HEATR3: variants seen among roughly 807,000 people sequenced by gnomAD.
HEATR3 encodes the protein HEAT repeat-containing protein 3.
Under a neutral mutation model 72.8 loss-of-function variants are expected in HEATR3, and 56 were observed. The observed-to-expected ratio is 0.77, with a 90% CI of 0.62 to 0.96. HEATR3 has a LOEUF of 0.96. Ranked by LOEUF, HEATR3 falls within the 40% of genes least tolerant of loss-of-function variation. The pLI is 0.00. For synonymous variants in HEATR3, 331 were observed against 318.1 expected (o/e 1.04, Z -0.43); for missense variants, 747 against 831.4 (o/e 0.90, Z 1.25).
intron 12 of HEATR3, among the ~76,000 whole-genome samples, chr16:50,096,018 T>C (rs1338345803): frequency 1.3e-5 from 2 of 152,090 alleles, no homozygotes; most frequent in Non-Finnish European, 2.9e-5. Flanking sequence ...TTTTCCCAGA[T>C]TGCCTTAAAA....
chr16:50,090,769 GA>G (rs2037091923), intron 11 of HEATR3, among the ~76,000 whole-genome samples: 2 of 152,182 alleles, frequency 1.3e-5, no homozygotes, highest in Admixed American at 1.3e-4. Context: ...TTGAGAATCA[GA>G]ACGTTCTTTT....
At position 50,075,592 on chromosome 16, in the gene HEATR3, CTG is replaced by C; in HGVS notation, c.645_646del (p.Glu216GlyfsTer2). 6.2e-7 allele frequency: 1 copy of C among 1,613,204 alleles called. No homozygotes were observed. ...GTAGCATATTGTTTGCAGACAGTGA[CTG>C]AGGATAACCCAGAGCTGCTGAAGTC... On this transcript the variant is annotated frameshift_variant, in exon 6 of 15. Coordinates refer to ENST00000299192, the MANE Select transcript of HEATR3 (RefSeq NM_182922.4). LOFTEE classifies it high-confidence loss of function.
chr16:50,094,432 G>A (rs1187685411), intron 11 of HEATR3, among the ~76,000 whole-genome samples: 2 of 152,180 alleles, frequency 1.3e-5, no homozygotes, highest in Non-Finnish European at 2.9e-5. Flanking sequence ...TGAGTCAAAT[G>A]AAAACCCAGT....
At position 50,066,592 on chromosome 16, in the gene HEATR3, G is replaced by C. The variant is rs1242825227; in HGVS notation, c.311+53G>C. The C allele has an allele frequency of 3.2e-6, 4 of 1,254,784 alleles. No homozygotes were observed. The Admixed American group carries it at 1.7e-4, about 53-fold the overall frequency. The allele number at this position is 1,254,784 out of a possible 1,614,324, so 77.7% of individuals were successfully genotyped here. On this transcript the variant is annotated intron_variant, in intron 2 of 14. Coordinates refer to ENST00000299192, the MANE Select transcript of HEATR3 (RefSeq NM_182922.4). ...CCCACCGCTGGCCTCCCCCGCGTCT[G>C]GGCTGCGGGCGGTCGCAGCGGTCAC...
chr16:50,096,455 A>G (rs1339235818), intron 12 of HEATR3, among the ~76,000 whole-genome samples: 1 of 152,180 alleles, frequency 6.6e-6, no homozygotes, highest in Non-Finnish European at 1.5e-5. Flanking sequence ...ATCTCTAAAA[A>G]AAATTTTACT....
In HEATR3 at chr16:50,105,110, G is replaced by C. The variant is rs780840839; in HGVS notation, c.*49G>C. 6.4e-7 allele frequency: 1 copy of C among 1,565,958 alleles called. No homozygotes were observed. The highest frequency in any genetic ancestry group is 1.4e-5 in the African/African-American group (1 of 72,996). Reference sequence around the variant, plus strand: ...CTTCCCCCAAAGTATTCAATGCTTAGAATACTAAAAGGTTTTCTTTGAATG... The same window carrying C: ...CTTCCCCCAAAGTATTCAATGCTTACAATACTAAAAGGTTTTCTTTGAATG... On this transcript the variant is annotated 3_prime_UTR_variant, in exon 15 of 15. Coordinates refer to ENST00000299192, the MANE Select transcript of HEATR3 (RefSeq NM_182922.4).
chr16:50,100,456 G>C, intron 13 of HEATR3, 83 bp downstream of exon 13: 2 of 1,372,876 alleles, frequency 1.5e-6, no homozygotes, highest in Non-Finnish European at 2.0e-6. Flanking sequence ...CTTAAAACTT[G>C]TGTGGACTTG....
rs1290934228 is a variant in HEATR3 at position 50,100,353 on chromosome 16, G to A, written c.1723G>A (p.Gly575Ser). ...ITGSVLAKED[G>S]TLETLKNIGC... Reference sequence around the variant, plus strand: ...TGGCAGCGTCCTTGCCAAAGAAGATGGTACACTTGAAACTCTTAAGGTAAA... The same window carrying A: ...TGGCAGCGTCCTTGCCAAAGAAGATAGTACACTTGAAACTCTTAAGGTAAA... The change falls in exon 13 of 15, where the codon GGT becomes AGT. Residue 575 changes from glycine to serine, a missense_variant. This residue lies in a region of HEATR3 where 586 missense variants were observed against 708.8 expected (regional missense o/e 0.83). Coordinates refer to ENST00000299192, the MANE Select transcript of HEATR3 (RefSeq NM_182922.4). 3.7e-6 allele frequency: 6 copies of A among 1,613,786 alleles called. No individual in the cohort carries two copies. In the Admixed American group the frequency reaches 8.3e-5, roughly 22 times the overall value.
chr16:50,092,436 CT>C (rs375532097), intron 11 of HEATR3, among the ~76,000 whole-genome samples: 26,367 of 106,076 alleles, frequency 0.25, 3,013 homozygotes, highest in East Asian at 0.38. Context: ...TTTCTTTTTT[CT>C]TTTTTTTTTT....
In HEATR3 at chr16:50,066,052, C is replaced by A; in HGVS notation, c.-80C>A. 1 of 1,475,448 alleles carries A rather than the reference C, an allele frequency of 6.8e-7. No individual in the cohort carries two copies. Among genetic ancestry groups the A allele is most frequent in the Non-Finnish European group, 9.1e-7 (1 of 1,097,238 alleles). The allele number at this position is 1,475,448 out of a possible 1,614,324, so 91.4% of individuals were successfully genotyped here. Reference sequence around the variant, plus strand: ...GGCCCAGCTGAGCAGCAGCAACGGACCTTGTTAACGGCGCGGCAGCCTCCA... The same window carrying A: ...GGCCCAGCTGAGCAGCAGCAACGGAACTTGTTAACGGCGCGGCAGCCTCCA... On this transcript the variant is annotated 5_prime_UTR_variant, in exon 1 of 15. Coordinates refer to ENST00000299192, the MANE Select transcript of HEATR3 (RefSeq NM_182922.4).
Position 50,070,281 on chromosome 16 carries a change from G to C in HEATR3, c.503G>C (p.Trp168Ser), listed in dbSNP as rs2150595684. ...GCCAATGAGACTGTGAACGTGCTGTGGAATATATGGTAAGATGCCTACCAA... is the reference window on the plus strand; with the variant it reads ...GCCAATGAGACTGTGAACGTGCTGTCGAATATATGGTAAGATGCCTACCAA... ...NIANETVNVL[W>S]NICECSSRAV... The change falls in exon 4 of 15, where the codon TGG becomes TCG. Residue 168 changes from tryptophan to serine, a missense_variant. Transcript: ENST00000299192. 1 of 1,557,138 alleles carries C rather than the reference G, an allele frequency of 6.4e-7. No individual in the cohort carries two copies.
chr16:50,088,925 T>TGAC (rs74861876), intron 11 of HEATR3, among the ~76,000 whole-genome samples: 16,740 of 152,194 alleles, frequency 0.11, 1,017 homozygotes, highest in Middle Eastern at 0.16. Flanking sequence ...ACTGAGAGTC[T>TGAC]GGTCCAGGTA....
At chr16:50,100,154 G>A (rs972722037) in intron 12 of HEATR3, 76 bp from the exon 13 acceptor site, 2 of 1,428,816 alleles carry the variant, frequency 1.4e-6, no homozygotes, top group African/African-American at 1.4e-5. Context: ...GGAGATTCCT[G>A]TCAGTCCGGT....
At chr16:50,096,302 G>C (rs1318149243) in intron 12 of HEATR3, among the ~76,000 whole-genome samples, 1 of 135,660 alleles carries the variant, frequency 7.4e-6, no homozygotes, top group Non-Finnish European at 1.5e-5. Flanking sequence ...TCCAGCCTAG[G>C]CGATAGAGCA....
At chr16:50,084,730 G>C in intron 10 of HEATR3, 79 bp downstream of exon 10, 7 of 1,106,810 alleles carry the variant, frequency 6.3e-6, no homozygotes, top group Non-Finnish European at 9.3e-6. Context: ...AGAAGGTGCT[G>C]ACTCCCCCTA....
chr16:50,098,970 G>T (rs2037307637), intron 12 of HEATR3, among the ~76,000 whole-genome samples: 1 of 151,522 alleles, frequency 6.6e-6, no homozygotes, highest in South Asian at 2.1e-4. Flanking sequence ...TTTTCTTAAT[G>T]CTTTTAAAAT....
rs2037191298 is a variant in HEATR3 at position 50,094,628 on chromosome 16, T to G, written c.1511-77T>G. On this transcript the variant is annotated intron_variant, in intron 11 of 14. Coordinates refer to ENST00000299192, the MANE Select transcript of HEATR3 (RefSeq NM_182922.4). ...TAGCATTTATTAACATTTAGCATGC[T>G]TTGTTTTGTTTGTTGCTTCTACAAA... 8 of 785,872 alleles carry G rather than the reference T, an allele frequency of 1.0e-5. No homozygotes were observed. In the Admixed American group the frequency reaches 2.1e-4, roughly 21 times the overall value. 48.7% of individuals were successfully genotyped at this position (785,872 alleles called of 1,614,324 possible).
At chr16:50,073,888 A>G (rs1365280911) in intron 5 of HEATR3, 1 of 152,222 alleles carries the variant, frequency 6.6e-6, no homozygotes, top group Non-Finnish European at 1.5e-5. Context: ...AAAATACATT[A>G]TTACTTTTGC....
At chr16:50,081,884 A>G (rs2036875401) in intron 7 of HEATR3, among the ~76,000 whole-genome samples, 1 of 152,206 alleles carries the variant, frequency 6.6e-6, no homozygotes, top group South Asian at 2.1e-4. Flanking sequence ...AGTTCCCGTC[A>G]CGCTGTCTTT....
Sources: allele counts gnomAD v4.1 joint callset (sites outside exome capture counted in the v4.1 genomes callset), GRCh38; gene constraint gnomAD v4.1.1; regional missense constraint gnomAD v4.1.1; transcripts MANE v1.5; gene names NCBI Gene and HGNC (gene_info 2026-07-23, HGNC 2026-07-21).